The following FASN variants were observed in gnomAD, a reference collection of about 807,000 sequenced individuals.
FASN encodes the protein fatty acid synthase.
FASN carries 50 observed loss-of-function variants against 250.0 expected under a neutral mutation model. That is an observed-to-expected ratio of 0.20 (90% CI 0.16 to 0.25). FASN has a LOEUF of 0.25. Ranked by LOEUF, FASN falls within the 10% of genes least tolerant of loss-of-function variation. The probability of loss-of-function intolerance (pLI) is 1.00; values close to 1 mark genes in which losing one functional copy is unlikely to be tolerated. For synonymous variants in FASN, 1,909 were observed against 1,584.0 expected (o/e 1.21, Z -4.87); for missense variants, 3,031 against 3,498.5 (o/e 0.87, Z 3.37).
chr17:82,093,151 G>T, intron 5 of FASN, 68 bp downstream of exon 5: 1 of 1,536,376 alleles, frequency 6.5e-7, no homozygotes, highest in Non-Finnish European at 8.8e-7. Flanking sequence ...TGCTCAGCGT[G>T]GGGACTGTGC....
chr17:82,078,786 A>G lies in FASN; in HGVS notation c.*357T>C, dbSNP rs1598570765. 2.8e-6 allele frequency: 1 copy of G among 362,708 alleles called. No individual in the cohort carries two copies. The highest frequency in any genetic ancestry group is 2.1e-5 in the African/African-American group (1 of 47,820). 22.5% of individuals were successfully genotyped at this position (362,708 alleles called of 1,614,324 possible). A position where few individuals can be genotyped will look rare whatever the true frequency, so the allele number is the denominator to read the frequency against. On this transcript the variant is annotated 3_prime_UTR_variant, in exon 43 of 43. Coordinates refer to ENST00000306749, the MANE Select transcript of FASN (RefSeq NM_004104.5). This position sits in a 1 kb window ranked among gnomAD's most constrained non-coding sequence, Gnocchi z 5.4. ...CCTGAGGAGTCTTGGCAGGGTGGACAGGCCTGGGGGTCTCTACCAGCAATG... is the reference window on the plus strand; with the variant it reads ...CCTGAGGAGTCTTGGCAGGGTGGACGGGCCTGGGGGTCTCTACCAGCAATG...
chr17:82,088,599 C>T (rs1213183083), intron 15 of FASN, 37 bp from the exon 16 acceptor site: 1 of 1,594,462 alleles, frequency 6.3e-7, no homozygotes, highest in African/African-American at 1.3e-5. Context: ...ACACCCGTCA[C>T]CGGGGTCCAG....
rs1341987400 is a variant in FASN, at chr17:82,093,342, C to T, written c.532G>A (p.Gly178Arg). The T allele has an allele frequency of 1.1e-5, 18 of 1,602,982 alleles. No individual in the cohort carries two copies. Among genetic ancestry groups the T allele is most frequent in the Admixed American group, 1.0e-4 (6 of 58,488 alleles). The change falls in exon 5 of 43, where the codon GGG becomes AGG. Residue 178 changes from glycine (G) to arginine (R), a missense_variant. Transcript: ENST00000306749. Reference sequence around the variant, plus strand: ...CCCACGATGGCGGCAGGGCACTGCCCGCTGTGGATGGCCTGGTAGGCGTTC... The same window carrying T: ...CCCACGATGGCGGCAGGGCACTGCCTGCTGTGGATGGCCTGGTAGGCGTTC... ...LQNAYQAIHS[G>R]QCPAAIVGGI...
Position 82,089,197 on chromosome 17 carries a change from T to C in FASN, c.2101-25A>G, listed in dbSNP as rs773145565. 3.7e-6 allele frequency: 6 copies of C among 1,601,634 alleles called. No individual in the cohort carries two copies. In the South Asian group the frequency reaches 5.6e-5, roughly 15 times the overall value. On this transcript the variant is annotated intron_variant, in intron 13 of 42. Coordinates refer to ENST00000306749, the MANE Select transcript of FASN (RefSeq NM_004104.5). Reference sequence around the variant, plus strand: ...CCTGCATGAGGGGCCAGGTCAGTGCTGGGTTGTGGGTCCCCTGGCCCGCCC... The same window carrying C: ...CCTGCATGAGGGGCCAGGTCAGTGCCGGGTTGTGGGTCCCCTGGCCCGCCC...
rs535138496 is a variant in FASN, at chr17:82,082,771, C to T, written c.5768-93G>A. ...GGAAGTGGGGAGCAGCCGCAGAGCC[C>T]CATCCAGCAAGCCCCCCACAAGATG... On this transcript the variant is annotated intron_variant, in intron 33 of 42. Transcript: ENST00000306749. The T allele has an allele frequency of 6.6e-5, 103 of 1,558,524 alleles. No homozygotes were observed. The African/African-American group carries it at 1.3e-3, about 20-fold the overall frequency.
rs750385551 is a variant in FASN, at chr17:82,088,251, C to G, written c.2650G>C (p.Val884Leu). ...YLVDHTLDGRVLFPATGYLSI... is the reference protein window; with the variant it reads ...YLVDHTLDGRLLFPATGYLSI... The stretch of plus-strand genomic sequence containing the variant: ...AGGTAGCCAGTGGCGGGGAAGAGGA[C>G]GCGACCGTCGAGGGTGTGGTCCACC... The change falls in exon 17 of 43, where the codon GTC becomes CTC. Residue 884 changes from valine to leucine, a missense_variant. Physicochemically the swap from Val to Leu is conservative, Grantham distance 32. Coordinates refer to ENST00000306749, the MANE Select transcript of FASN (RefSeq NM_004104.5). The G allele has an allele frequency of 1.2e-6, 2 of 1,607,064 alleles. No homozygotes were observed. The highest frequency in any genetic ancestry group is 2.7e-5 in the African/African-American group (2 of 74,918).
chr17:82,093,199 C>T lies in FASN; in HGVS notation c.655+20G>A, dbSNP rs766811350. 3 of 1,559,914 alleles carry T rather than the reference C, an allele frequency of 1.9e-6. No individual in the cohort carries two copies. Among genetic ancestry groups the T allele is most frequent in the South Asian group, 1.2e-5 (1 of 85,016 alleles). On this transcript the variant is annotated intron_variant, in intron 5 of 42. Coordinates refer to ENST00000306749, the MANE Select transcript of FASN (RefSeq NM_004104.5). The stretch of plus-strand genomic sequence containing the variant: ...TGTGCCACTGTCCCGCCTGCCCTGG[C>T]CGCGCAGCCGCACACTCACCCGCTG...
At position 82,084,279 on chromosome 17, in the gene FASN, G is replaced by A; in HGVS notation, c.4874C>T (p.Ser1625Phe). The change falls in exon 28 of 43, where the codon TCT (serine) becomes TTT (phenylalanine). Residue 1625 changes from serine to phenylalanine, a missense_variant. Transcript: ENST00000306749. ...GLVPAKGLAT[S>F]VLLSPDFLWD... ...GAGGAAGTCCGGTGACAGCAGGACA[G>A]AGGTGGCCAGGCCCTTGGCAGGCAC... 1.2e-6 allele frequency: 2 copies of A among 1,611,876 alleles called. No individual in the cohort carries two copies. The highest frequency in any genetic ancestry group is 1.7e-5 in the Admixed American group (1 of 59,904).
intron 19 of FASN, 38 bp from the exon 20 acceptor site, chr17:82,087,542 G>T (rs373923885): frequency 7.5e-6 from 12 of 1,609,220 alleles, no homozygotes; most frequent in Non-Finnish European, 1.0e-5. Context: ...GGAACTCCCA[G>T]GTCCCTGGGG....
In FASN at chr17:82,082,951, C is replaced by G. The variant is rs2034017693; in HGVS notation, c.5730G>C (p.Gln1910His). ...CGGAGCGAGAAGTCAACACGAGCTT[C>G]TGCACCCCACGCTGTATCAGCCACT... ...LAQWLIQRGV[Q>H]KLVLTSRSGI... The change falls in exon 33 of 43, where the codon CAG becomes CAC. Residue 1910 changes from glutamine (Q) to histidine (H), a missense_variant. Physicochemically the swap from Gln to His is conservative, Grantham distance 24. Transcript: ENST00000306749. 2 of 1,612,854 alleles carry G rather than the reference C, an allele frequency of 1.2e-6. No homozygotes were observed. Among genetic ancestry groups the G allele is most frequent in the Non-Finnish European group, 1.7e-6 (2 of 1,179,994 alleles).
In FASN at chr17:82,089,271, T is replaced by C; in HGVS notation, c.2079A>G (p.Pro693=). 1.9e-6 allele frequency: 3 copies of C among 1,612,592 alleles called. No individual in the cohort carries two copies. Among genetic ancestry groups the C allele is most frequent in the Non-Finnish European group, 2.5e-6 (3 of 1,179,902 alleles). Reference sequence around the variant, plus strand: ...CCACCTTCTTGAGCTCCTGCAGCAGTGGGGGTGCGATGGCCTCCATGAAGT... The same window carrying C: ...CCACCTTCTTGAGCTCCTGCAGCAGCGGGGGTGCGATGGCCTCCATGAAGT... ...HSYFMEAIAP[P]LLQELKKVIR... Residue 693 remains proline, a synonymous_variant, in exon 13 of 43, where the codon CCA becomes CCG. Coordinates refer to ENST00000306749, the MANE Select transcript of FASN (RefSeq NM_004104.5).
At position 82,095,929 on chromosome 17, in the gene FASN, G is replaced by A. The variant is rs528393989; in HGVS notation, c.127+390C>T. Among the ~76,000 whole-genome samples the A allele has an allele frequency of 3.9e-5, 6 of 152,336 alleles. No individual in the cohort carries two copies. The East Asian group carries it at 1.2e-3, about 29-fold the overall frequency. On this transcript the variant is annotated intron_variant, in intron 2 of 42. Coordinates refer to ENST00000306749, the MANE Select transcript of FASN (RefSeq NM_004104.5). Reference sequence around the variant, plus strand: ...ACAGGCAGGGGCAGCCTGGCCGGAAGGGCTCTGGCCCCCCGCACCCCCTGC... The same window carrying A: ...ACAGGCAGGGGCAGCCTGGCCGGAAAGGCTCTGGCCCCCCGCACCCCCTGC...
rs1190549255 is a variant in FASN at position 82,078,887 on chromosome 17, G to GCGGGCA, written c.*250_*255dup. 3.3e-5 allele frequency: 19 copies of GCGGGCA among 582,200 alleles called. No homozygotes were observed. The highest frequency in any genetic ancestry group is 5.2e-5 in the Non-Finnish European group (17 of 327,262). 36.1% of individuals were successfully genotyped at this position (582,200 alleles called of 1,614,324 possible). A position where few individuals can be genotyped will look rare whatever the true frequency, so the allele number is the denominator to read the frequency against. Reference sequence around the variant, plus strand: ...GCGCACGAGGCCCAGCCCAGTTCCTGCGGGCACGGGCACCACCGGCTCTTC... The same window carrying GCGGGCA: ...GCGCACGAGGCCCAGCCCAGTTCCTGCGGGCACGGGCACGGGCACCACCGGCTCTTC... On this transcript the variant is annotated 3_prime_UTR_variant, in exon 43 of 43. Transcript: ENST00000306749. This position sits in a 1 kb window ranked among gnomAD's most constrained non-coding sequence, Gnocchi z 5.4.
At chr17:82,085,927 G>T in intron 22 of FASN, 56 bp from the exon 23 acceptor site, 1 of 1,465,408 alleles carries the variant, frequency 6.8e-7, no homozygotes, top group South Asian at 1.4e-5. Context: ...CCCTGACCTG[G>T]GGCTGGGCAA....
Position 82,088,445 on chromosome 17 carries a change from G to C in FASN, c.2538C>G (p.Ala846=). The C allele has an allele frequency of 6.2e-7, 1 of 1,611,842 alleles. No individual in the cohort carries two copies. Among genetic ancestry groups the C allele is most frequent in the East Asian group, 2.2e-5 (1 of 44,816 alleles). Residue 846 remains alanine (A), a synonymous_variant, in exon 16 of 43, where the codon GCC becomes GCG. Transcript: ENST00000306749. ...WDHSLAWDVP[A]AEDFPNGSGS... The stretch of plus-strand genomic sequence containing the variant: ...CTGAACCGTTGGGGAAGTCCTCGGC[G>C]GCCGGCACGTCCCAGGCCAGGCTGT...
Position 82,082,788 on chromosome 17 carries a change from C to G in FASN, c.5768-110G>C, listed in dbSNP as rs1013405708. 7 of 1,547,770 alleles carry G rather than the reference C, an allele frequency of 4.5e-6. No homozygotes were observed. The Admixed American group carries it at 9.0e-5, about 20-fold the overall frequency. ...GCAGAGCCCCATCCAGCAAGCCCCC[C>G]ACAAGATGGAGGGGGACAGACCCCA... On this transcript the variant is annotated intron_variant, in intron 33 of 42. Coordinates refer to ENST00000306749, the MANE Select transcript of FASN (RefSeq NM_004104.5).
rs1361147381 is a variant in FASN at position 82,090,909 on chromosome 17, A to T, written c.1653T>A (p.His551Gln). 6.2e-7 allele frequency: 1 copy of T among 1,605,204 alleles called. No individual in the cohort carries two copies. Among genetic ancestry groups the T allele is most frequent in the Non-Finnish European group, 8.5e-7 (1 of 1,176,520 alleles). Reference sequence around the variant, plus strand: ...GGATGGCAGTCAGGCTCACAAACGAATGGACGATGTCATCAAAGGTGCTCT... The same window carrying T: ...GGATGGCAGTCAGGCTCACAAACGATTGGACGATGTCATCAAAGGTGCTCT... ...TDESTFDDIV[H>Q]SFVSLTAIQI... The change falls in exon 10 of 43, where the codon CAT becomes CAA. Residue 551 changes from histidine (H) to glutamine (Q), a missense_variant. His to Gln is a conservative substitution (Grantham distance 24, BLOSUM62 0). Coordinates refer to ENST00000306749, the MANE Select transcript of FASN (RefSeq NM_004104.5).
intron 3 of FASN, chr17:82,094,095 A>T (rs2034264238): frequency 2.2e-6 from 1 of 461,720 alleles, no homozygotes. Context: ...GACAGAGGGC[A>T]GCATTGTCCC....
At chr17:82,096,988 G>T (rs1042746388) in intron 1 of FASN, 4 of 237,530 alleles carry the variant, frequency 1.7e-5, no homozygotes, top group Admixed American at 1.0e-4. Context: ...CTAGAGGGGG[G>T]TACTCAGCAC....
Sources: allele counts gnomAD v4.1 joint callset (sites outside exome capture counted in the v4.1 genomes callset), GRCh38; gene constraint gnomAD v4.1.1; non-coding constraint Gnocchi (gnomAD v3.1); transcripts MANE v1.5; gene names NCBI Gene and HGNC (gene_info 2026-07-23, HGNC 2026-07-21).